C6: variants seen among roughly 807,000 people sequenced by gnomAD.
The protein encoded by C6 is complement C6.
A neutral mutation model predicts 112.9 loss-of-function variants in C6; 101 were observed. That is an observed-to-expected ratio of 0.89 (90% confidence interval 0.76 to 1.06). The LOEUF is 1.06. Among genes scored for constraint, C6 ranks in the 50% least tolerant of loss-of-function variants. C6 has a pLI of 0.00. For missense variants in C6, 1,202 were observed against 1,104.6 expected (o/e 1.09, Z -1.25); for synonymous variants, 431 against 384.1 (o/e 1.12, Z -1.43).
chr5:41,239,626 C>T lies in C6; in HGVS notation c.-21+21568G>A, dbSNP rs1305155465. Among the ~76,000 whole-genome samples, 9 of 152,078 alleles carry T rather than the reference C, an allele frequency of 5.9e-5. No individual in the cohort carries two copies. In the East Asian group the frequency reaches 1.5e-3, roughly 26 times the overall value. On this transcript the variant is annotated intron_variant, in intron 1 of 17. Coordinates refer to the C6 transcript ENST00000263413. ...CCCACCCCTCAAAACACCTCCACAC[C>T]TTTCTGAGCCTCTAGTACCTATCAT... is the stretch of plus-strand genomic sequence containing the variant.
intron 7 of C6, among the ~76,000 whole-genome samples, chr5:41,178,499 CA>C (rs1214414582): frequency 1.1e-4 from 1 of 8,956 alleles, no homozygotes; most frequent in Non-Finnish European, 2.6e-4. Flanking sequence ...GAGATGGAGA[CA>C]GAGCTAGCTC....
chr5:41,223,677 G>A (rs991838013), intron 1 of C6, among the ~76,000 whole-genome samples: 2 of 152,114 alleles, frequency 1.3e-5, no homozygotes, highest in Non-Finnish European at 1.5e-5. Context: ...ACATGTCATT[G>A]AAGGAAATTC....
upstream of C6, chr5:41,213,632 A>T: frequency 1.3e-6 from 1 of 788,978 alleles, no homozygotes; most frequent in Non-Finnish European, 1.5e-6. Context: ...TGGGTGTTGG[A>T]TGTTACACAG....
intron 8 of C6, 198 bp from the exon 9 acceptor site, chr5:41,172,545 G>A (rs1391262714): frequency 1.6e-6 from 1 of 621,476 alleles, no homozygotes; most frequent in African/African-American, 1.8e-5. Flanking sequence ...AGATGATCCT[G>A]AACAGGAGTC....
chr5:41,235,608 G>C (rs1740246913), intron 1 of C6, among the ~76,000 whole-genome samples: 1 of 139,562 alleles, frequency 7.2e-6, no homozygotes, highest in Admixed American at 7.2e-5. Flanking sequence ...GGGATGGCTG[G>C]GTCAAATGGT....
Position 41,179,216 on chromosome 5 carries a change from A to C in C6, c.927+2143T>G, listed in dbSNP as rs1749116186. On this transcript the variant is annotated intron_variant, in intron 7 of 17. Transcript: ENST00000337836. Reference sequence around the variant, plus strand: ...CAGTAGTTTAATATGTTCCAACCTGATATTGTGAATAGCTCTAAATTTTTT... The same window carrying C: ...CAGTAGTTTAATATGTTCCAACCTGCTATTGTGAATAGCTCTAAATTTTTT... 4.6e-5 allele frequency among the ~76,000 whole-genome samples: 7 copies of C among 152,322 alleles called. No individual in the cohort carries two copies. In the South Asian group the frequency reaches 1.5e-3, roughly 32 times the overall value.
chr5:41,206,772 G>A (rs760725938), intron 1 of C6, among the ~76,000 whole-genome samples: 33 of 152,280 alleles, frequency 2.2e-4, no homozygotes, highest in African/African-American at 7.5e-4. Flanking sequence ...AAAGTGACAG[G>A]GCGAGTGGAA....
At chr5:41,190,103 T>C (rs1750082087) in intron 5 of C6, among the ~76,000 whole-genome samples, 1 of 152,200 alleles carries the variant, frequency 6.6e-6, no homozygotes, top group African/African-American at 2.4e-5. Context: ...GTATACCGAT[T>C]TCCTTTGCTT....
chr5:41,168,825 A>T (rs1580097616), intron 9 of C6, among the ~76,000 whole-genome samples: 1 of 152,276 alleles, frequency 6.6e-6, no homozygotes, highest in South Asian at 2.1e-4. Flanking sequence ...GTTCCCTGTG[A>T]ACTTTTTGAA....
intron 17 of C6, among the ~76,000 whole-genome samples, chr5:41,146,247 G>T (rs1745811937): frequency 6.7e-6 from 1 of 148,172 alleles, no homozygotes; most frequent in Non-Finnish European, 1.5e-5. Context: ...ATAGGCTTCT[G>T]GGGGATTTCA....
At chr5:41,230,270 TAGAGCCATA>T (rs1739809326) in intron 1 of C6, among the ~76,000 whole-genome samples, 4 of 152,116 alleles carry the variant, frequency 2.6e-5, no homozygotes, top group Non-Finnish European at 5.9e-5. Context: ...TTGGGCAGAA[TAGAGCCATA>T]TTTTTCTTCT....
chr5:41,194,222 T>C (rs539871470), intron 5 of C6, among the ~76,000 whole-genome samples: 2 of 152,290 alleles, frequency 1.3e-5, no homozygotes, highest in South Asian at 2.1e-4. Context: ...GATAAGAATA[T>C]GTTGTTGAAG....
Position 41,176,857 on chromosome 5 carries a change from C to A in C6, c.928-142G>T, listed in dbSNP as rs954072559. On this transcript the variant is annotated intron_variant, in intron 7 of 17. Coordinates refer to ENST00000337836, the MANE Select transcript of C6 (RefSeq NM_000065.5). Reference sequence around the variant, plus strand: ...TCTCACTCTCTATTGCATGTTCTCACGTACAAAATTATAATTTTCATTTTG... The same window carrying A: ...TCTCACTCTCTATTGCATGTTCTCAAGTACAAAATTATAATTTTCATTTTG... The A allele has an allele frequency of 1.3e-5, 11 of 820,996 alleles. 1 individual carries two copies. The highest frequency in any genetic ancestry group is 3.5e-5 in the South Asian group (2 of 57,052). 50.9% of individuals were successfully genotyped at this position (820,996 alleles called of 1,614,324 possible).
intron 17 of C6, among the ~76,000 whole-genome samples, 190 bp from the exon 18 acceptor site, chr5:41,143,196 C>G (rs1055988056): frequency 2.6e-5 from 4 of 152,102 alleles, no homozygotes; most frequent in African/African-American, 9.7e-5. Context: ...AACAAAACAA[C>G]CCACCAAAGG....
chr5:41,167,806 G>A lies in C6; in HGVS notation c.1291+4419C>T, dbSNP rs1269755164. Among the ~76,000 whole-genome samples the A allele has an allele frequency of 3.3e-5, 5 of 152,124 alleles. No homozygotes were observed. In the East Asian group the frequency reaches 9.6e-4, roughly 29 times the overall value. Reference sequence around the variant, plus strand: ...TCAAATTTATGGTGAAGCTTGGGAGGAAGAATGGTGAAATCACTGATGCCT... The same window carrying A: ...TCAAATTTATGGTGAAGCTTGGGAGAAAGAATGGTGAAATCACTGATGCCT... On this transcript the variant is annotated intron_variant, in intron 9 of 17. Coordinates refer to ENST00000337836, the MANE Select transcript of C6 (RefSeq NM_000065.5).
intron 8 of C6, 87 bp from the exon 9 acceptor site, chr5:41,172,434 T>C: frequency 7.7e-7 from 1 of 1,301,324 alleles, no homozygotes; most frequent in East Asian, 2.4e-5. Context: ...ACTTCGGATC[T>C]ACAGATACTT....
intron 6 of C6, among the ~76,000 whole-genome samples, chr5:41,182,260 C>T (rs1240121963): frequency 3.3e-5 from 5 of 151,050 alleles, no homozygotes; most frequent in South Asian, 2.1e-4. Flanking sequence ...CACTTCCCCC[C>T]GCCCCTTTTT....
At chr5:41,178,273 T>C (rs1464955513) in intron 7 of C6, among the ~76,000 whole-genome samples, 5 of 152,046 alleles carry the variant, frequency 3.3e-5, no homozygotes, top group African/African-American at 1.2e-4. Flanking sequence ...CCTGACTGAG[T>C]TATCTGGTAT....
intron 4 of C6, among the ~76,000 whole-genome samples, chr5:41,198,473 T>G (rs1750770581): frequency 6.6e-6 from 1 of 152,142 alleles, no homozygotes; most frequent in South Asian, 2.1e-4. Context: ...CATGAAAAGA[T>G]CTAGGGATTT....
Sources: gnomAD v4.1 joint callset for allele counts (sites outside exome capture counted in the v4.1 genomes callset) on GRCh38, gnomAD v4.1.1 for gene constraint, MANE v1.5 for transcripts, NCBI Gene and HGNC (gene_info 2026-07-23, HGNC 2026-07-21) for gene names.